PLCE1: variants seen among roughly 807,000 people sequenced by gnomAD.
PLCE1 encodes the protein 1-phosphatidylinositol 4,5-bisphosphate phosphodiesterase epsilon-1.
A neutral mutation model predicts 242.8 loss-of-function variants in PLCE1; 119 were observed. The ratio of observed to expected loss-of-function variants is 0.49; its 90% CI spans 0.42 to 0.57. The LOEUF (loss-of-function observed/expected upper bound fraction) is 0.57, where lower values mean the gene tolerates loss of function less well. Ranked by LOEUF, PLCE1 falls within the 20% of genes least tolerant of loss-of-function variation. PLCE1 has a pLI of 0.00. For synonymous variants in PLCE1, 945 were observed against 1,017.4 expected (o/e 0.93, Z 1.35); for missense variants, 2,441 against 2,788.8 (o/e 0.88, Z 2.81).
In PLCE1 at chr10:94,298,613, C is replaced by G; in HGVS notation, c.5402C>G (p.Pro1801Arg). The change falls in exon 24 of 33, where the codon CCC (proline) becomes CGC (arginine). Residue 1801 changes from proline to arginine, a missense_variant. Pro to Arg is a moderately radical substitution (Grantham distance 103, BLOSUM62 -2). Coordinates refer to ENST00000371380, the MANE Select transcript of PLCE1 (RefSeq NM_016341.4). The surrounding 1 kb of genome is among the most constrained non-coding windows in gnomAD (Gnocchi z 5.2). Reference protein sequence around the residue: ...ATRIDSSNPNPLMFWLHGIQL... With the variant: ...ATRIDSSNPNRLMFWLHGIQL... ...CGCATCGACTCTTCCAACCCGAACC[C>G]CCTCATGTTCTGGCTCCATGGGATA... The G allele has an allele frequency of 6.2e-7, 1 of 1,614,158 alleles. No homozygotes were observed. Among genetic ancestry groups the G allele is most frequent in the Non-Finnish European group, 8.5e-7 (1 of 1,180,016 alleles).
chr10:94,250,261 G>A (rs957179314), intron 8 of PLCE1, among the ~76,000 whole-genome samples: 31 of 152,066 alleles, frequency 2.0e-4, no homozygotes, highest in Non-Finnish European at 8.8e-5. Flanking sequence ...CAGCACTTTG[G>A]GAGGCCGAAG....
At chr10:94,241,490 G>A (rs2050500130) in intron 7 of PLCE1, among the ~76,000 whole-genome samples, 1 of 152,080 alleles carries the variant, frequency 6.6e-6, no homozygotes, top group South Asian at 2.1e-4. Flanking sequence ...TGTGGAAATG[G>A]TCCCAAAAGA....
At chr10:94,278,464 T>C (rs1258274497) in intron 19 of PLCE1, among the ~76,000 whole-genome samples, 1 of 152,208 alleles carries the variant, frequency 6.6e-6, no homozygotes, top group Non-Finnish European at 1.5e-5. Context: ...TTATTTATGC[T>C]CAATTTATAT....
chr10:94,254,787 A>G (rs1450334628), intron 10 of PLCE1, 106 bp from the exon 11 acceptor site: 7 of 1,243,020 alleles, frequency 5.6e-6, no homozygotes, highest in Admixed American at 3.4e-5. Context: ...AACCAGCTGC[A>G]TAGGTTGATT....
chr10:94,158,375 A>G (rs544010681), intron 3 of PLCE1, among the ~76,000 whole-genome samples: 3 of 152,282 alleles, frequency 2.0e-5, no homozygotes, highest in Admixed American at 2.0e-4. Context: ...ATTATAACTT[A>G]CTGTGTGAAT....
intron 32 of PLCE1, 100 bp from the exon 33 acceptor site, chr10:94,327,868 T>G (rs1190497362): frequency 1.2e-5 from 5 of 406,986 alleles, no homozygotes; most frequent in East Asian, 1.3e-4. Flanking sequence ...ACCTAGCCAC[T>G]AGAGCTGTGG....
At chr10:94,120,953 A>T (rs927776836) in intron 2 of PLCE1, 1 of 152,404 alleles carries the variant, frequency 6.6e-6, no homozygotes, top group South Asian at 2.1e-4. Flanking sequence ...AGGAAGTTGA[A>T]GAAAGCTGCT....
At position 93,994,102 on chromosome 10, in the gene PLCE1, G is replaced by C. The variant is rs902964649; in HGVS notation, c.-521G>C. ...CTGCCTCCCGGGCTCTGCCTCTCGG[G>C]CACTTGCCTGGCTCCTGCGCGTTCC... On this transcript the variant is annotated 5_prime_UTR_variant, in exon 1 of 33. Coordinates refer to ENST00000371380, the MANE Select transcript of PLCE1 (RefSeq NM_016341.4). Among the ~76,000 whole-genome samples the C allele has an allele frequency of 6.6e-6, 1 of 151,658 alleles. No homozygotes were observed. The highest frequency in any genetic ancestry group is 1.5e-5 in the Non-Finnish European group (1 of 67,954).
intron 14 of PLCE1, among the ~76,000 whole-genome samples, chr10:94,264,505 T>C (rs902567448): frequency 2.7e-5 from 4 of 145,594 alleles, no homozygotes; most frequent in African/African-American, 1.0e-4. Context: ...GGGAGTAACA[T>C]GATTTGATTT....
chr10:94,163,177 T>G (rs1215706671), intron 3 of PLCE1, among the ~76,000 whole-genome samples: 1 of 152,198 alleles, frequency 6.6e-6, no homozygotes, highest in African/African-American at 2.4e-5. Context: ...TAGGTCCGCT[T>G]CGTGCAGAGC....
intron 2 of PLCE1, among the ~76,000 whole-genome samples, chr10:94,061,378 A>G (rs553840093): frequency 6.6e-6 from 1 of 152,342 alleles, no homozygotes; most frequent in Admixed American, 6.5e-5. Context: ...CATACTATGA[A>G]TCTGTGGATG....
chr10:94,301,147 C>T (rs1166214684), intron 24 of PLCE1, among the ~76,000 whole-genome samples: 1 of 152,004 alleles, frequency 6.6e-6, no homozygotes, highest in Non-Finnish European at 1.5e-5. Flanking sequence ...GAGTTCAAGA[C>T]CAGCCTGGCC....
At chr10:94,050,202 A>T (rs2043724777) in intron 2 of PLCE1, among the ~76,000 whole-genome samples, 1 of 152,178 alleles carries the variant, frequency 6.6e-6, no homozygotes, top group Admixed American at 6.5e-5. Context: ...TAAACAAAGG[A>T]GGTTTAATTG....
At chr10:94,238,190 G>T (rs573516294) in intron 7 of PLCE1, among the ~76,000 whole-genome samples, 1 of 152,344 alleles carries the variant, frequency 6.6e-6, no homozygotes, top group African/African-American at 2.4e-5. Context: ...GGAGGCCAAG[G>T]CAGGTAGATC....
rs1198470318 is a variant in PLCE1, at chr10:93,994,054, GCCCGGGCTCTACCTCCCGGGCTCTGCCT to G, written c.-558_-531del. Among the ~76,000 whole-genome samples, 4 of 151,142 alleles carry G rather than the reference GCCCGGGCTCTACCTCCCGGGCTCTGCCT, an allele frequency of 2.6e-5. No individual in the cohort carries two copies. The highest frequency in any genetic ancestry group is 2.0e-4 in the Admixed American group (3 of 15,220). ...GCGGCGGGAGGGGCAGCGGCGGCGC[GCCCGGGCTCTACCTCCCGGGCTCTGCCT>G]CCCGGGCTCTGCCTCTCGGGCACTT... On this transcript the variant is annotated 5_prime_UTR_variant, in exon 1 of 33. Coordinates refer to ENST00000371380, the MANE Select transcript of PLCE1 (RefSeq NM_016341.4).
At chr10:94,160,381 A>G (rs1564743101) in intron 3 of PLCE1, among the ~76,000 whole-genome samples, 10 of 152,166 alleles carry the variant, frequency 6.6e-5, no homozygotes, top group Admixed American at 4.6e-4. Context: ...GATGATGAGC[A>G]TTTTTTCATG....
At chr10:94,177,135 A>G (rs11187800) in intron 4 of PLCE1, among the ~76,000 whole-genome samples, 16,919 of 152,204 alleles carry the variant, frequency 0.11, 1,972 homozygotes, top group African/African-American at 0.3. Flanking sequence ...AAAGGAAGAA[A>G]ATTCCTAATA....
chr10:94,265,850 T>C lies in PLCE1; in HGVS notation c.4173T>C (p.Ile1391=). The C allele has an allele frequency of 6.2e-7, 1 of 1,614,030 alleles. No individual in the cohort carries two copies. Among genetic ancestry groups the C allele is most frequent in the Non-Finnish European group, 8.5e-7 (1 of 1,179,940 alleles). ...AAAATGATGAGTCACAGGAGAACAT[T>C]AAAGAACTGCAGCTACCCCTCTCAT... The part of the protein sequence containing the change: ...ASKNDESQEN[I]KELQLPLSYY... Residue 1391 remains isoleucine, a synonymous_variant, in exon 16 of 33, where the codon ATT becomes ATC. Transcript: ENST00000371380.
rs7075045 is a variant in PLCE1, at chr10:94,259,322, A to T, written c.3814+172A>T. Among the ~76,000 whole-genome samples the T allele has an allele frequency of 0.35, 52,871 of 150,514 alleles. 9,435 individuals are homozygous for T. Among genetic ancestry groups the T allele is most frequent in the Middle Eastern group, 0.46 (135 of 292 alleles). The stretch of plus-strand genomic sequence containing the variant: ...TTTTTGAGATGCAGTCTCACTCTGT[A>T]GCCCAGGCTGGAGTGCAGTGGTGCA... On this transcript the variant is annotated intron_variant, in intron 13 of 32. Transcript: ENST00000371380.
Sources: gnomAD v4.1 joint callset for allele counts (sites outside exome capture counted in the v4.1 genomes callset) on GRCh38, gnomAD v4.1.1 for gene constraint, Gnocchi (gnomAD v3.1) non-coding constraint, MANE v1.5 for transcripts, NCBI Gene and HGNC (gene_info 2026-07-23, HGNC 2026-07-21) for gene names.